Variants in CD300E observed in about 807,000 individuals in gnomAD.
CD300E encodes CMRF35-like molecule 2.
CD300E carries 14 observed loss-of-function variants against 20.9 expected under a neutral mutation model. The ratio of observed to expected loss-of-function variants is 0.67; its 90% CI spans 0.44 to 1.05. The LOEUF (loss-of-function observed/expected upper bound fraction) is 1.05. CD300E is among the 50% of genes least tolerant of loss of function. The pLI is 0.00. For missense variants in CD300E, 237 were observed against 253.9 expected (o/e 0.93, Z 0.45); for synonymous variants, 102 against 103.7 (o/e 0.98, Z 0.10).
At chr17:74,622,378 A>C (rs974906561) in intron 1 of CD300E, among the ~76,000 whole-genome samples, 1 of 151,934 alleles carries the variant, frequency 6.6e-6, no homozygotes, top group African/African-American at 2.4e-5. Context: ...GGAGGTCAAG[A>C]GAGGAGGATT....
rs199745035 is a variant in CD300E at position 74,613,944 on chromosome 17, C to T, written c.478G>A (p.Val160Met). ...GCTTACCCTGAATTTTGGGTCAACACCTCCCCGGTGCTGAGGTTTCGCCCA... is the reference window on the plus strand; with the variant it reads ...GCTTACCCTGAATTTTGGGTCAACATCTCCCCGGTGCTGAGGTTTCGCCCA... ...NPGRNLSTGE[V>M]LTQNSGFRLS... is the part of the protein sequence containing the mutation. Residue 160 changes from valine to methionine, a missense_variant, in exon 3 of 4, where the codon GTG (valine) becomes ATG (methionine). Coordinates refer to ENST00000392619, the MANE Select transcript of CD300E (RefSeq NM_181449.3). 2.4e-5 allele frequency: 38 copies of T among 1,613,504 alleles called. No homozygotes were observed. The highest frequency in any genetic ancestry group is 3.0e-5 in the Non-Finnish European group (35 of 1,179,768).
chr17:74,617,034 C>A, intron 2 of CD300E, 84 bp downstream of exon 2: 1 of 1,152,420 alleles, frequency 8.7e-7, no homozygotes, highest in Admixed American at 1.8e-5. Flanking sequence ...AAGACTTGGA[C>A]GCACACTTCA....
intron 2 of CD300E, among the ~76,000 whole-genome samples, chr17:74,616,395 G>A (rs1053399051): frequency 2.6e-5 from 4 of 152,184 alleles, no homozygotes; most frequent in Non-Finnish European, 5.9e-5. Context: ...AGGACACCAA[G>A]GTTGAGAATG....
In CD300E at chr17:74,614,475, CTTT is replaced by C. The variant is rs151029563; in HGVS notation, c.389-445_389-443del. On this transcript the variant is annotated intron_variant, in intron 2 of 3. Transcript: ENST00000392619. Reference sequence around the variant, plus strand: ...TCTGAGCACCCTTCATGTGGACACTCTTTTTTTTTTTTTTTTTTTTGAGATGGA... The same window carrying C: ...TCTGAGCACCCTTCATGTGGACACTCTTTTTTTTTTTTTTTTTGAGATGGA... Among the ~76,000 whole-genome samples, 891 of 113,312 alleles carry C rather than the reference CTTT, an allele frequency of 7.9e-3. 4 individuals are homozygous for C. The highest frequency in any genetic ancestry group is 0.011 in the Non-Finnish European group (625 of 56,566). 74.3% of individuals were successfully genotyped at this position (113,312 alleles called of 152,430 possible). A position where few individuals can be genotyped will look rare whatever the true frequency, so the allele number is the denominator to read the frequency against.
chr17:74,613,863 C>T (rs1411802332), intron 3 of CD300E, 62 bp downstream of exon 3: 38 of 1,109,410 alleles, frequency 3.4e-5, no homozygotes, highest in Non-Finnish European at 4.7e-5. Context: ...TGCGCCACCC[C>T]CACCCCCCAG....
At chr17:74,616,866 T>C (rs1435133647) in intron 2 of CD300E, among the ~76,000 whole-genome samples, 1 of 152,060 alleles carries the variant, frequency 6.6e-6, no homozygotes, top group Non-Finnish European at 1.5e-5. Flanking sequence ...TGAAGGGGCC[T>C]CCTCCACGCT....
At chr17:74,616,666 A>G (rs1303007175) in intron 2 of CD300E, among the ~76,000 whole-genome samples, 2 of 152,286 alleles carry the variant, frequency 1.3e-5, no homozygotes, top group East Asian at 3.9e-4. Flanking sequence ...GCCCTCTAGC[A>G]TAGGGGGAGT....
Position 74,623,684 on chromosome 17 carries a change from G to A in CD300E, c.-63C>T, listed in dbSNP as rs757578072. ...GGTCCCAGCTGGAATCCAAGTATAT[G>A]TAACGGAGCCTGGGTCATCCACTTT... On this transcript the variant is annotated 5_prime_UTR_variant, in exon 1 of 4. Transcript: ENST00000392619. 1.9e-6 allele frequency: 3 copies of A among 1,559,104 alleles called. No homozygotes were observed. The highest frequency in any genetic ancestry group is 2.7e-6 in the Non-Finnish European group (3 of 1,129,838).
intron 1 of CD300E, among the ~76,000 whole-genome samples, chr17:74,619,666 A>G (rs2030978512): frequency 6.6e-6 from 1 of 152,064 alleles, no homozygotes; most frequent in Admixed American, 6.6e-5. Flanking sequence ...CTGAGGGAGG[A>G]AACCATGGGA....
At chr17:74,623,385 A>G (rs904209606) in intron 1 of CD300E, among the ~76,000 whole-genome samples, 197 bp downstream of exon 1, 6 of 152,256 alleles carry the variant, frequency 3.9e-5, no homozygotes, top group African/African-American at 1.2e-4. Flanking sequence ...GTCCTGGCAC[A>G]TATCTGGTGC....
Position 74,612,654 on chromosome 17 carries a change from TA to T in CD300E, c.616del (p.Ter206ArgfsTer93). 1 of 1,613,432 alleles carries T rather than the reference TA, an allele frequency of 6.2e-7. No individual in the cohort carries two copies. The highest frequency in any genetic ancestry group is 8.5e-7 in the Non-Finnish European group (1 of 1,179,890). ...NRPQWAPPGR[*>X] is the part of the protein sequence containing the mutation. Reference sequence around the variant, plus strand: ...GCAGGGCTTCGGGTCAGCCTGGCTCTATCTTCCAGGAGGAGCCCACTGAGGC... The same window carrying T: ...GCAGGGCTTCGGGTCAGCCTGGCTCTTCTTCCAGGAGGAGCCCACTGAGGC... On this transcript the variant is annotated frameshift_variant and stop_lost, in exon 4 of 4. Coordinates refer to ENST00000392619, the MANE Select transcript of CD300E (RefSeq NM_181449.3). LOFTEE classifies it high-confidence loss of function.
rs141175280 is a variant in CD300E, at chr17:74,611,523, C to G, written c.*1130G>C. 1 of 152,266 alleles carries G rather than the reference C, an allele frequency of 6.6e-6. No homozygotes were observed. The highest frequency in any genetic ancestry group is 1.5e-5 in the Non-Finnish European group (1 of 68,072). The allele number at this position is 152,266 out of a possible 1,614,324, so 9.4% of individuals were successfully genotyped here. On this transcript the variant is annotated 3_prime_UTR_variant, in exon 4 of 4. Coordinates refer to ENST00000392619, the MANE Select transcript of CD300E (RefSeq NM_181449.3). ...TCAGAAAACCAACTGAGCTCATTCCCGAGCCAGGGGTCACCAGTAGTGGTG... is the reference window on the plus strand; with the variant it reads ...TCAGAAAACCAACTGAGCTCATTCCGGAGCCAGGGGTCACCAGTAGTGGTG...
chr17:74,618,129 T>C (rs2030946790), intron 1 of CD300E, among the ~76,000 whole-genome samples: 1 of 152,050 alleles, frequency 6.6e-6, no homozygotes, highest in African/African-American at 2.4e-5. Flanking sequence ...GTGAGGTGAT[T>C]TGGGTCCTGG....
At chr17:74,619,164 G>A (rs1026217740) in intron 1 of CD300E, 1 of 470,506 alleles carries the variant, frequency 2.1e-6, no homozygotes, top group Non-Finnish European at 4.4e-6. Flanking sequence ...CTCCTTCTAG[G>A]TTCTGGACAG....
At chr17:74,615,829 T>C (rs922496969) in intron 2 of CD300E, among the ~76,000 whole-genome samples, 1 of 152,164 alleles carries the variant, frequency 6.6e-6, no homozygotes, top group Non-Finnish European at 1.5e-5. Context: ...CTCACTCCTA[T>C]AGTCCCAGCA....
intron 3 of CD300E, among the ~76,000 whole-genome samples, chr17:74,613,658 T>C (rs1598147983): frequency 6.6e-6 from 1 of 150,950 alleles, no homozygotes; most frequent in Non-Finnish European, 1.5e-5. Context: ...CAGGAAGGAG[T>C]GGGGAAGGGA....
In CD300E at chr17:74,617,239, C is replaced by A. The variant is rs899226887; in HGVS notation, c.267G>T (p.Val89=). 6.2e-7 allele frequency: 1 copy of A among 1,614,100 alleles called. No homozygotes were observed. Among genetic ancestry groups the A allele is most frequent in the Non-Finnish European group, 8.5e-7 (1 of 1,180,058 alleles). ...RDHPEALAFT[V]TMQNLNEDDA... is the part of the protein sequence containing the mutation. ...CATCTTCATTGAGGTTCTGCATGGT[C>A]ACAGTGAAGGCGAGAGCCTCCGGGT... Residue 89 remains valine, a synonymous_variant, in exon 2 of 4, where the codon GTG becomes GTT. Transcript: ENST00000392619.
intron 1 of CD300E, among the ~76,000 whole-genome samples, chr17:74,622,631 A>G (rs1399115272): frequency 1.3e-5 from 2 of 152,192 alleles, no homozygotes; most frequent in African/African-American, 4.8e-5. Flanking sequence ...TTGAATGTCT[A>G]TTAATAAGAG....
At chr17:74,614,469 G>A (rs1238801434) in intron 2 of CD300E, among the ~76,000 whole-genome samples, 1 of 142,202 alleles carries the variant, frequency 7.0e-6, no homozygotes, top group Non-Finnish European at 1.5e-5. Flanking sequence ...CCTTCATGTG[G>A]ACACTCTTTT....
Sources: allele counts gnomAD v4.1 joint callset (sites outside exome capture counted in the v4.1 genomes callset), GRCh38; gene constraint gnomAD v4.1.1; transcripts MANE v1.5; gene names NCBI Gene and HGNC (gene_info 2026-07-23, HGNC 2026-07-21).